The following TSHZ2 variants were observed in gnomAD, a reference collection of about 807,000 sequenced individuals.
TSHZ2 encodes teashirt homolog 2.
TSHZ2 carries 21 observed loss-of-function variants against 74.4 expected under a neutral mutation model. The ratio of observed to expected loss-of-function variants is 0.28; its 90% CI spans 0.20 to 0.41. The LOEUF (loss-of-function observed/expected upper bound fraction) is 0.41. Among genes scored for constraint, TSHZ2 ranks in the 10% least tolerant of loss-of-function variants. TSHZ2 has a pLI of 1.00. For synonymous variants in TSHZ2, 540 were observed against 515.3 expected, an observed-to-expected ratio of 1.05 and a Z score of -0.65; for missense variants, 1,244 against 1,293.5, an observed-to-expected ratio of 0.96 and a Z score of 0.59.
chr20:53,115,200 C>T (rs1986637945), intron 1 of TSHZ2, among the ~76,000 whole-genome samples: 6 of 152,236 alleles, frequency 3.9e-5, no homozygotes, highest in Middle Eastern at 6.8e-3. Context: ...AGAGGGAAGC[C>T]ATAAATATGT....
chr20:53,088,714 A>G (rs1409304848), intron 1 of TSHZ2, among the ~76,000 whole-genome samples: 1 of 152,172 alleles, frequency 6.6e-6, no homozygotes, highest in African/African-American at 2.4e-5. Flanking sequence ...GACATATGGC[A>G]TATTTTCAAT....
At chr20:53,046,321 C>A (rs1227806335) in intron 1 of TSHZ2, among the ~76,000 whole-genome samples, 1 of 152,180 alleles carries the variant, frequency 6.6e-6, no homozygotes, top group Non-Finnish European at 1.5e-5. Flanking sequence ...GTGACCTCCG[C>A]CGCCAACATC....
At chr20:53,211,937 G>C (rs1989316778) in intron 1 of TSHZ2, among the ~76,000 whole-genome samples, 1 of 152,034 alleles carries the variant, frequency 6.6e-6, no homozygotes, top group Non-Finnish European at 1.5e-5. Flanking sequence ...TCATAATATT[G>C]ATAATGTTTA....
intron 1 of TSHZ2, among the ~76,000 whole-genome samples, chr20:53,211,683 C>A (rs1335898890): frequency 6.6e-6 from 1 of 152,080 alleles, no homozygotes; most frequent in East Asian, 1.9e-4. Context: ...CGCTGCATTC[C>A]GGCCTGGGTG....
intron 1 of TSHZ2, among the ~76,000 whole-genome samples, chr20:53,022,301 C>T (rs896330277): frequency 1.3e-5 from 2 of 152,168 alleles, no homozygotes; most frequent in Non-Finnish European, 2.9e-5. Context: ...CACAGATCTC[C>T]GGTGTTAACC....
intron 1 of TSHZ2, among the ~76,000 whole-genome samples, chr20:53,161,242 G>A (rs1189998248): frequency 6.6e-6 from 1 of 151,564 alleles, no homozygotes; most frequent in Non-Finnish European, 1.5e-5. Flanking sequence ...AATGTCTGCG[G>A]AATGAGTGTT....
intron 2 of TSHZ2, among the ~76,000 whole-genome samples, chr20:53,328,781 C>G (rs1232022533): frequency 6.6e-6 from 1 of 152,022 alleles, no homozygotes; most frequent in Non-Finnish European, 1.5e-5. Context: ...CCTTTTTAAG[C>G]TTTTTTTATT....
chr20:52,977,007 G>A (rs542963236), intron 1 of TSHZ2, among the ~76,000 whole-genome samples: 4 of 152,256 alleles, frequency 2.6e-5, no homozygotes, highest in African/African-American at 4.8e-5. Context: ...TAGACTATTA[G>A]CAATCATTAC....
intron 2 of TSHZ2, among the ~76,000 whole-genome samples, chr20:53,410,066 T>G (rs931615267): frequency 6.6e-6 from 1 of 151,898 alleles, no homozygotes; most frequent in Non-Finnish European, 1.5e-5. Flanking sequence ...AGGCTGGTCT[T>G]GAACTCCTGA....
intron 1 of TSHZ2, among the ~76,000 whole-genome samples, chr20:53,134,659 C>T (rs1987196017): frequency 6.6e-6 from 1 of 152,204 alleles, no homozygotes; most frequent in Non-Finnish European, 1.5e-5. Context: ...AACAATTCGG[C>T]AGCTACATAG....
intron 2 of TSHZ2, among the ~76,000 whole-genome samples, chr20:53,268,119 A>C (rs1466362106): frequency 6.6e-6 from 1 of 152,140 alleles, no homozygotes; most frequent in African/African-American, 2.4e-5. Context: ...TGTGGATTTG[A>C]ACTGAAGAAT....
At chr20:53,209,335 C>T (rs974747990) in intron 1 of TSHZ2, among the ~76,000 whole-genome samples, 1 of 152,140 alleles carries the variant, frequency 6.6e-6, no homozygotes, top group African/African-American at 2.4e-5. Context: ...AATCCACCTG[C>T]CTCAGCCTCC....
chr20:53,117,007 G>C (rs71356170), intron 1 of TSHZ2, among the ~76,000 whole-genome samples: 1 of 152,080 alleles, frequency 6.6e-6, no homozygotes, highest in Non-Finnish European at 1.5e-5. Flanking sequence ...GAGTAGGGTG[G>C]AGGATGGTGT....
intron 1 of TSHZ2, among the ~76,000 whole-genome samples, chr20:53,038,192 CAAAAAAAAAAAAAAAAAAAAA>C (rs869242676): frequency 7.8e-4 from 42 of 53,940 alleles, no homozygotes; most frequent in South Asian, 3.0e-3. Flanking sequence ...GATTCCGTCT[CAAAAAAAAAAAAAAAAAAAAA>C]AAAAAAAAAA....
At chr20:53,388,106 T>C (rs1261901889) in intron 2 of TSHZ2, among the ~76,000 whole-genome samples, 1 of 151,522 alleles carries the variant, frequency 6.6e-6, no homozygotes, top group Non-Finnish European at 1.5e-5. Flanking sequence ...GATTTACTCA[T>C]CCCTATCAAA....
intron 2 of TSHZ2, among the ~76,000 whole-genome samples, chr20:53,283,778 A>G (rs934579522): frequency 6.6e-6 from 1 of 152,176 alleles, no homozygotes; most frequent in Non-Finnish European, 1.5e-5. Context: ...CAGTCACACA[A>G]ATGTTTTGTG....
chr20:53,155,345 T>C (rs1203589827), intron 1 of TSHZ2, among the ~76,000 whole-genome samples: 1 of 152,078 alleles, frequency 6.6e-6, no homozygotes, highest in Non-Finnish European at 1.5e-5. Flanking sequence ...GACCTGAGAC[T>C]GGTGTCAGAA....
At chr20:53,112,022 C>T (rs1281618568) in intron 1 of TSHZ2, among the ~76,000 whole-genome samples, 8 of 152,192 alleles carry the variant, frequency 5.3e-5, no homozygotes, top group African/African-American at 9.6e-5. Context: ...ACCCATGTCC[C>T]GGCCTCATCA....
At chr20:53,059,775 TAAG>T (rs953790670) in intron 1 of TSHZ2, among the ~76,000 whole-genome samples, 15 of 152,222 alleles carry the variant, frequency 9.9e-5, no homozygotes, top group Admixed American at 7.9e-4. Flanking sequence ...TATGTATGCT[TAAG>T]AAGAAGAACT....
Sources: allele counts gnomAD v4.1 joint callset (sites outside exome capture counted in the v4.1 genomes callset), GRCh38; gene constraint gnomAD v4.1.1; transcripts MANE v1.5; gene names NCBI Gene and HGNC (gene_info 2026-07-23, HGNC 2026-07-21).